EXOC6B: variants seen among roughly 807,000 people sequenced by gnomAD.
The protein encoded by EXOC6B is SEC15 homolog B.
In EXOC6B, 54 loss-of-function variants were observed where a neutral mutation model predicts 113.5. That is an observed-to-expected ratio of 0.48 (90% CI 0.38 to 0.60). EXOC6B has a LOEUF of 0.60. Ranked by LOEUF, EXOC6B falls within the 20% of genes least tolerant of loss-of-function variation. EXOC6B has a pLI of 0.00. For missense variants in EXOC6B, 797 were observed against 977.5 expected (o/e 0.82, Z 2.46); for synonymous variants, 357 against 339.0 (o/e 1.05, Z -0.58).
At position 72,647,809 on chromosome 2, in the gene EXOC6B, C is replaced by T. The variant is rs143114477; in HGVS notation, c.669+70294G>A. Among the ~76,000 whole-genome samples, 688 of 152,244 alleles carry T rather than the reference C, an allele frequency of 4.5e-3. 5 individuals carry two copies. Among genetic ancestry groups the T allele is most frequent in the African/African-American group, 0.014 (580 of 41,538 alleles). ...ATGGATTAAAGACTTAAATGTTAGA[C>T]CTAAAACCATAAAAATCCTAGAAGA... On this transcript the variant is annotated intron_variant, in intron 6 of 21. Coordinates refer to ENST00000272427, the MANE Select transcript of EXOC6B (RefSeq NM_015189.3).
chr2:72,181,943 C>A (rs17007926), intron 21 of EXOC6B, among the ~76,000 whole-genome samples: 22,178 of 152,242 alleles, frequency 0.15, 2,203 homozygotes, highest in African/African-American at 0.29. Context: ...ATGCAGGGGC[C>A]ACTTCTTTTC....
intron 18 of EXOC6B, among the ~76,000 whole-genome samples, chr2:72,460,762 A>G (rs191306836): frequency 0.012 from 1,842 of 152,202 alleles, 49 homozygotes; most frequent in African/African-American, 0.042. Flanking sequence ...TGTTGGTGGG[A>G]CTGTAAACTA....
At chr2:72,293,634 G>GT (rs1685945446) in intron 20 of EXOC6B, among the ~76,000 whole-genome samples, 1 of 152,108 alleles carries the variant, frequency 6.6e-6, no homozygotes. Context: ...TGAAAGTCTG[G>GT]TTTTGGAGCT....
chr2:72,192,140 G>A (rs191862609), intron 20 of EXOC6B, among the ~76,000 whole-genome samples: 31 of 152,206 alleles, frequency 2.0e-4, no homozygotes, highest in Non-Finnish European at 3.2e-4. Context: ...CATCTCCCAC[G>A]TAGACAGGAG....
intron 6 of EXOC6B, among the ~76,000 whole-genome samples, chr2:72,657,761 T>C (rs1013339375): frequency 4.0e-5 from 6 of 151,212 alleles, no homozygotes; most frequent in African/African-American, 1.5e-4. Context: ...CCATAAGAAA[T>C]TCACATAAGA....
At chr2:72,777,514 TAAAC>T (rs1683778082) in intron 1 of EXOC6B, among the ~76,000 whole-genome samples, 1 of 152,014 alleles carries the variant, frequency 6.6e-6, no homozygotes, top group Non-Finnish European at 1.5e-5. Flanking sequence ...TATCCCCAGA[TAAAC>T]AAAAACTGAG....
intron 18 of EXOC6B, among the ~76,000 whole-genome samples, chr2:72,437,503 C>T (rs1041779783): frequency 1.3e-5 from 2 of 152,160 alleles, no homozygotes; most frequent in African/African-American, 2.4e-5. Flanking sequence ...CCCACAGCCG[C>T]CCCTTCCCCC....
chr2:72,658,711 GAGTT>G lies in EXOC6B; in HGVS notation c.669+59388_669+59391del, dbSNP rs530872287. ...TAGTAAGCGTATATACTTCTATTGA[GAGTT>G]AGTATTTTCATTTTTCACAAATATA... On this transcript the variant is annotated intron_variant, in intron 6 of 21. Transcript: ENST00000272427. Among the ~76,000 whole-genome samples, 22 of 152,126 alleles carry G rather than the reference GAGTT, an allele frequency of 1.4e-4. No individual in the cohort carries two copies. In the East Asian group the frequency reaches 4.2e-3, roughly 29 times the overall value.
chr2:72,513,306 T>C, intron 10 of EXOC6B, 54 bp from the exon 11 acceptor site: 1 of 1,604,906 alleles, frequency 6.2e-7, no homozygotes. Context: ...GTTTTATTAC[T>C]CTCTCTGGGG....
intron 1 of EXOC6B, among the ~76,000 whole-genome samples, chr2:72,799,067 C>T (rs1685134966): frequency 2.6e-5 from 4 of 151,312 alleles, no homozygotes; most frequent in Non-Finnish European, 1.5e-5. Flanking sequence ...TGGGAAACCT[C>T]GTCTCTACAA....
At chr2:72,517,647 A>G in intron 8 of EXOC6B, among the ~76,000 whole-genome samples, 1 of 152,162 alleles carries the variant, frequency 6.6e-6, no homozygotes, top group Admixed American at 6.5e-5. Flanking sequence ...TGTATACACT[A>G]AAGGGCTTTT....
At chr2:72,624,795 C>A (rs1265621168) in intron 6 of EXOC6B, among the ~76,000 whole-genome samples, 1 of 152,086 alleles carries the variant, frequency 6.6e-6, no homozygotes, top group Admixed American at 6.6e-5. Flanking sequence ...ATAGTACCTA[C>A]CACTAGCCAG....
At chr2:72,565,171 C>T (rs1704087831) in intron 7 of EXOC6B, among the ~76,000 whole-genome samples, 2 of 151,696 alleles carry the variant, frequency 1.3e-5, no homozygotes, top group South Asian at 4.2e-4. Flanking sequence ...TGCAACATGA[C>T]GAAACCCATC....
intron 20 of EXOC6B, among the ~76,000 whole-genome samples, chr2:72,292,535 TTGTGTG>T (rs142332997): frequency 2.2e-4 from 30 of 134,140 alleles, no homozygotes; most frequent in African/African-American, 5.5e-4. Flanking sequence ...CATGCACGCT[TTGTGTG>T]TGTGTGTGTG....
At chr2:72,264,463 C>T (rs777749354) in intron 20 of EXOC6B, among the ~76,000 whole-genome samples, 4 of 152,038 alleles carry the variant, frequency 2.6e-5, no homozygotes, top group Non-Finnish European at 5.9e-5. Flanking sequence ...CCCAGCTACT[C>T]GGGAGACTGA....
chr2:72,242,537 C>A (rs1682380158), intron 20 of EXOC6B, among the ~76,000 whole-genome samples: 1 of 151,976 alleles, frequency 6.6e-6, no homozygotes, highest in Non-Finnish European at 1.5e-5. Context: ...ATTAAAATCA[C>A]AGAGGGCAGG....
At chr2:72,753,895 CT>C (rs1467091279) in intron 1 of EXOC6B, among the ~76,000 whole-genome samples, 3 of 152,146 alleles carry the variant, frequency 2.0e-5, no homozygotes, top group African/African-American at 7.2e-5. Flanking sequence ...CTTAATACAA[CT>C]ACTATAACCT....
At chr2:72,480,032 G>A (rs1031389650) in intron 17 of EXOC6B, among the ~76,000 whole-genome samples, 5 of 151,896 alleles carry the variant, frequency 3.3e-5, no homozygotes, top group Admixed American at 6.5e-5. Flanking sequence ...GCGAAACCCC[G>A]TCTCTACTAA....
At chr2:72,211,190 A>G (rs1328242361) in intron 20 of EXOC6B, among the ~76,000 whole-genome samples, 1 of 152,240 alleles carries the variant, frequency 6.6e-6, no homozygotes, top group East Asian at 1.9e-4. Context: ...GCAGAGACTC[A>G]GTTAGTGACG....
Sources: gnomAD v4.1 joint callset for allele counts (sites outside exome capture counted in the v4.1 genomes callset) on GRCh38, gnomAD v4.1.1 for gene constraint, MANE v1.5 for transcripts, NCBI Gene and HGNC (gene_info 2026-07-23, HGNC 2026-07-21) for gene names.